Variants in PKD1 observed in about 807,000 individuals in gnomAD.
PKD1 encodes polycystin-1.
Under a neutral mutation model 361.7 loss-of-function variants are expected in PKD1, and 81 were observed. That is an observed-to-expected ratio of 0.22 (90% CI 0.19 to 0.27). The LOEUF (loss-of-function observed/expected upper bound fraction) is 0.27, where lower values mean the gene tolerates loss of function less well. PKD1 is among the 10% of genes least tolerant of loss of function. The pLI is 1.00. For missense variants in PKD1, 6,399 were observed against 6,118.3 expected, an observed-to-expected ratio of 1.05 and a Z score of -1.53; for synonymous variants, 3,615 against 2,818.3, an observed-to-expected ratio of 1.28 and a Z score of -8.95.
intron 10 of PKD1, 78 bp downstream of exon 10, chr16:2,115,300 C>G: frequency 4.3e-6 from 6 of 1,380,308 alleles, no homozygotes; most frequent in East Asian, 2.5e-5. Context: ...GTCTGGTGCA[C>G]AGACCCAGAC....
At chr16:2,121,846 C>G (rs2151832144) in intron 1 of PKD1, among the ~76,000 whole-genome samples, 1 of 152,348 alleles carries the variant, frequency 6.6e-6, no homozygotes, top group Non-Finnish European at 1.5e-5. Context: ...AGGTGTCACC[C>G]TCCCCACGAG....
At position 2,114,493 on chromosome 16, in the gene PKD1, C is replaced by T; in HGVS notation, c.2530G>A (p.Ala844Thr). Residue 844 changes from alanine (A) to threonine (T), a missense_variant, in exon 11 of 46, where the codon GCC becomes ACC. Coordinates refer to ENST00000262304, the MANE Select transcript of PKD1 (RefSeq NM_001009944.3). Reference sequence around the variant, plus strand: ...CCAGAGTCCACCTGGAGCACCAAGGCTGAGCCGTTGGTGGGCACGTAGAGG... The same window carrying T: ...CCAGAGTCCACCTGGAGCACCAAGGTTGAGCCGTTGGTGGGCACGTAGAGG... ...GRLYVPTNGS[A>T]LVLQVDSGAN... 6.3e-7 allele frequency: 1 copy of T among 1,596,380 alleles called. No individual in the cohort carries two copies. The highest frequency in any genetic ancestry group is 8.5e-7 in the Non-Finnish European group (1 of 1,179,372).
rs1464268841 is a variant in PKD1 at position 2,108,022 on chromosome 16, C to G, written c.6926G>C (p.Gly2309Ala). The G allele has an allele frequency of 6.4e-7, 1 of 1,554,124 alleles. No homozygotes were observed. The highest frequency in any genetic ancestry group is 1.4e-5 in the African/African-American group (1 of 73,390). ...ACVASTQREAGGCALNFGPRG... is the reference protein window; with the variant it reads ...ACVASTQREAAGCALNFGPRG... ...GGGCCCAAAGTTCAGCGCACACCCG[C>G]CAGCCTCCCTCTGCAGGCCGAGAAC... Residue 2309 changes from glycine (G) to alanine (A), a missense_variant, in exon 16 of 46, where the codon GGC (glycine) becomes GCC (alanine). Physicochemically the swap from Gly to Ala is moderately conservative, Grantham distance 60. Coordinates refer to ENST00000262304, the MANE Select transcript of PKD1 (RefSeq NM_001009944.3).
rs1042686648 is a variant in PKD1 at position 2,090,758 on chromosome 16, T to C, written c.12054A>G (p.Thr4018=). 9.9e-6 allele frequency: 16 copies of C among 1,612,454 alleles called. No individual in the cohort carries two copies. Among genetic ancestry groups the C allele is most frequent in the Middle Eastern group, 1.6e-4 (1 of 6,084 alleles). The change falls in exon 44 of 46, where the codon ACA becomes ACG. Residue 4018 remains threonine, a synonymous_variant. Coordinates refer to ENST00000262304, the MANE Select transcript of PKD1 (RefSeq NM_001009944.3). The part of the protein sequence containing the change: ...FVRQWSVFGK[T]LCRALPELLG... Reference sequence around the variant, plus strand: ...GGAGCTCTGGCAGAGCTCGGCATAATGTCTTGCCAAAGACGGACCACTGGC... The same window carrying C: ...GGAGCTCTGGCAGAGCTCGGCATAACGTCTTGCCAAAGACGGACCACTGGC...
chr16:2,096,058 G>A (rs79455718), intron 34 of PKD1, among the ~76,000 whole-genome samples: 2 of 152,204 alleles, frequency 1.3e-5, no homozygotes, highest in Admixed American at 6.5e-5. Context: ...TTAACAATGA[G>A]AAGCACTCAA....
chr16:2,091,548 G>C lies in PKD1; in HGVS notation c.11587C>G (p.Leu3863Val). ...AGGCGCAGCGTGACGGCGGCGTGCA[G>C]CCCCACGGCCGGGCTGTAGCGCGTG... ...ELTRYSPAVG[L>V]HAAVTLRLEF... is the part of the protein sequence containing the mutation. Residue 3863 changes from leucine to valine, a missense_variant, in exon 42 of 46, where the codon CTG becomes GTG. Leu to Val is a conservative substitution (Grantham distance 32). Transcript: ENST00000262304. The C allele has an allele frequency of 6.6e-7, 1 of 1,524,830 alleles. No individual in the cohort carries two copies. Among genetic ancestry groups the C allele is most frequent in the Admixed American group, 2.1e-5 (1 of 46,916 alleles). 94.5% of individuals were successfully genotyped at this position (1,524,830 alleles called of 1,614,324 possible). A position where few individuals can be genotyped will look rare whatever the true frequency, so the allele number is the denominator to read the frequency against.
chr16:2,118,815 G>C lies in PKD1; in HGVS notation c.390C>G (p.Asp130Glu). Reference sequence around the variant, plus strand: ...ATCGCGGCAGCCACGCCAGGCCACAGTCACACTCAAACGGGTTCCCACTCA... The same window carrying C: ...ATCGCGGCAGCCACGCCAGGCCACACTCACACTCAAACGGGTTCCCACTCA... ...INLSGNPFECDCGLAWLPRWA... is the reference protein window; with the variant it reads ...INLSGNPFECECGLAWLPRWA... The change falls in exon 4 of 46, where the codon GAC (aspartate) becomes GAG (glutamate). Residue 130 changes from aspartate to glutamate, a missense_variant. By Grantham distance (45) the Asp-to-Glu change is conservative. Coordinates refer to ENST00000262304, the MANE Select transcript of PKD1 (RefSeq NM_001009944.3). The surrounding 1 kb of genome is among the most constrained non-coding windows in gnomAD (Gnocchi z 6.0). The C allele has an allele frequency of 6.3e-7, 1 of 1,593,204 alleles. No individual in the cohort carries two copies. Among genetic ancestry groups the C allele is most frequent in the South Asian group, 1.1e-5 (1 of 90,870 alleles).
chr16:2,122,277 A>T (rs1272384966), intron 1 of PKD1, among the ~76,000 whole-genome samples: 2 of 152,218 alleles, frequency 1.3e-5, no homozygotes, highest in Non-Finnish European at 2.9e-5. Flanking sequence ...GATGGAGGGC[A>T]CGGTTGGGGG....
intron 34 of PKD1, 199 bp downstream of exon 34, chr16:2,096,949 G>A (rs1214697821): frequency 5.0e-6 from 3 of 603,516 alleles, no homozygotes; most frequent in Non-Finnish European, 8.9e-6. Flanking sequence ...TCCCTCCCTA[G>A]AGGGAAGGTT....
intron 16 of PKD1, 100 bp downstream of exon 16, chr16:2,107,783 G>A (rs925923909): frequency 1.2e-5 from 13 of 1,096,190 alleles, no homozygotes; most frequent in Admixed American, 8.0e-5. Flanking sequence ...AGAGAGGGGA[G>A]AGCGTGCGGC....
In PKD1 at chr16:2,110,898, G is replaced by C; in HGVS notation, c.4269C>G (p.Pro1423=). The stretch of plus-strand genomic sequence containing the variant: ...TCACCTCAGGGCCCCTGGCACGGGT[G>C]GGGGCGGCTTCCTCGGTGCCAAAGT... ...TWDFGTEEAA[P]TRARGPEVTF... is the part of the protein sequence containing the mutation. Residue 1423 remains proline (P), a synonymous_variant, in exon 15 of 46, where the codon CCC becomes CCG. Coordinates refer to ENST00000262304, the MANE Select transcript of PKD1 (RefSeq NM_001009944.3). 6.2e-7 allele frequency: 1 copy of C among 1,611,592 alleles called. No homozygotes were observed. The highest frequency in any genetic ancestry group is 8.5e-7 in the Non-Finnish European group (1 of 1,179,830).
chr16:2,114,501 T>C lies in PKD1; in HGVS notation c.2522A>G (p.Asn841Ser), dbSNP rs770311036. 9 of 1,596,202 alleles carry C rather than the reference T, an allele frequency of 5.6e-6. No homozygotes were observed. Among genetic ancestry groups the C allele is most frequent in the South Asian group, 2.2e-5 (2 of 90,928 alleles). The change falls in exon 11 of 46, where the codon AAC becomes AGC. Residue 841 changes from asparagine (N) to serine (S), a missense_variant. Physicochemically the swap from Asn to Ser is conservative, Grantham distance 46. Transcript: ENST00000262304. ...PRDGRLYVPT[N>S]GSALVLQVDS... The stretch of plus-strand genomic sequence containing the variant: ...CACCTGGAGCACCAAGGCTGAGCCG[T>C]TGGTGGGCACGTAGAGGCGGCCGTC...
Position 2,093,086 on chromosome 16 carries a change from A to G in PKD1, c.11024T>C (p.Leu3675Pro). 1 of 1,612,516 alleles carries G rather than the reference A, an allele frequency of 6.2e-7. No individual in the cohort carries two copies. Among genetic ancestry groups the G allele is most frequent in the South Asian group, 1.1e-5 (1 of 91,070 alleles). ...CACCAGCAGAAAAAGCATGTACACC[A>G]GGAGGCTCTGGTGGACGGGGGGGCC... is the stretch of plus-strand genomic sequence containing the variant. ...KRLHGMLRSL[L>P]VYMLFLLVTL... The change falls in exon 38 of 46, where the codon CTG becomes CCG. Residue 3675 changes from leucine (L) to proline (P), a missense_variant. Leu to Pro is a moderately conservative substitution (Grantham distance 98). Transcript: ENST00000262304.
chr16:2,115,050 C>A, intron 10 of PKD1, 125 bp from the exon 11 acceptor site: 1 of 1,500,590 alleles, frequency 6.7e-7, no homozygotes, highest in Non-Finnish European at 8.9e-7. Flanking sequence ...GGAGCCTCCC[C>A]ACAGTGCTCG....
rs1383391055 is a variant in PKD1 at position 2,102,405 on chromosome 16, T to A, written c.9177A>T (p.Pro3059=). The A allele has an allele frequency of 1.9e-6, 3 of 1,557,776 alleles. No individual in the cohort carries two copies. Among genetic ancestry groups the A allele is most frequent in the Non-Finnish European group, 2.6e-6 (3 of 1,151,900 alleles). ...CAGGAAACACAAAGCGGACATGGCT[T>A]GGGGGCACGAAGAGGCTGGCGCCGA... The part of the protein sequence containing the change: ...TAFGASLFVP[P]SHVRFVFPEP... Residue 3059 remains proline (P), a synonymous_variant, in exon 25 of 46, where the codon CCA becomes CCT. Coordinates refer to ENST00000262304, the MANE Select transcript of PKD1 (RefSeq NM_001009944.3).
Position 2,094,141 on chromosome 16 carries a change from G to A in PKD1, c.10569C>T (p.Ser3523=). 1.9e-6 allele frequency: 3 copies of A among 1,598,014 alleles called. No individual in the cohort carries two copies. Among genetic ancestry groups the A allele is most frequent in the Non-Finnish European group, 1.7e-6 (2 of 1,172,426 alleles). ...GGGGCTGTTCCCAGTTCAGGCCTGG[G>A]CTGGGTGGCCCCAGCTCCCCCAGCC... ...LQRLGELGPP[S]PGLNWEQPQA... Residue 3523 remains serine, a synonymous_variant, in exon 35 of 46, where the codon AGC becomes AGT. Coordinates refer to ENST00000262304, the MANE Select transcript of PKD1 (RefSeq NM_001009944.3).
chr16:2,115,039 A>C (rs1473553861), intron 10 of PKD1, 114 bp from the exon 11 acceptor site: 1 of 1,509,164 alleles, frequency 6.6e-7, no homozygotes, highest in Non-Finnish European at 8.8e-7. Flanking sequence ...CCACACCTCA[A>C]GGAGCCTCCC....
At position 2,118,039 on chromosome 16, in the gene PKD1, C is replaced by G. The variant is rs748568467; in HGVS notation, c.953G>C (p.Gly318Ala). The G allele has an allele frequency of 6.2e-7, 1 of 1,602,350 alleles. No homozygotes were observed. Among genetic ancestry groups the G allele is most frequent in the East Asian group, 2.2e-5 (1 of 44,832 alleles). Residue 318 changes from glycine (G) to alanine (A), a missense_variant, in exon 5 of 46, where the codon GGG becomes GCG. Gly to Ala is a moderately conservative substitution (Grantham distance 60, BLOSUM62 0). Coordinates refer to ENST00000262304, the MANE Select transcript of PKD1 (RefSeq NM_001009944.3). The surrounding 1 kb of genome is among the most constrained non-coding windows in gnomAD (Gnocchi z 6.0). ...GDGSAEVDAA[G>A]PAASHRYVLP... Reference sequence around the variant, plus strand: ...CACATAGCGATGCGAGGCAGCCGGCCCAGCGGCATCCACCTCGGCGGAGCC... The same window carrying G: ...CACATAGCGATGCGAGGCAGCCGGCGCAGCGGCATCCACCTCGGCGGAGCC...
Position 2,111,567 on chromosome 16 carries a change from C to T in PKD1, c.3600G>A (p.Ala1200=), listed in dbSNP as rs372882189. The change falls in exon 15 of 46, where the codon GCG becomes GCA. Residue 1200 remains alanine (A), a synonymous_variant. Transcript: ENST00000262304. The part of the protein sequence containing the change: ...RLEVNNTVSG[A]AAQADVRVFE... ...AGACGCGCACATCCGCCTGGGCCGC[C>T]GCACCGCTCACCGTGTTGTTGACCT... 3.3e-4 allele frequency: 527 copies of T among 1,579,516 alleles called. 2 individuals carry two copies. The highest frequency in any genetic ancestry group is 3.1e-3 in the Middle Eastern group (15 of 4,804).
Sources: allele counts gnomAD v4.1 joint callset (sites outside exome capture counted in the v4.1 genomes callset), GRCh38; gene constraint gnomAD v4.1.1; non-coding constraint Gnocchi (gnomAD v3.1); transcripts MANE v1.5; gene names NCBI Gene and HGNC (gene_info 2026-07-23, HGNC 2026-07-21).